KRT85: variants seen among roughly 807,000 people sequenced by gnomAD.
The protein encoded by KRT85 is keratin 85.
KRT85 carries 39 observed loss-of-function variants against 53.7 expected under a neutral mutation model. That is an observed-to-expected ratio of 0.73 (90% CI 0.56 to 0.95). The LOEUF is 0.95. Among genes scored for constraint, KRT85 ranks in the 40% least tolerant of loss-of-function variants. The pLI, the probability that KRT85 is intolerant of heterozygous loss-of-function variation, is 0.00. For synonymous variants in KRT85, 291 were observed against 277.5 expected (o/e 1.05, Z -0.48); for missense variants, 668 against 686.0 (o/e 0.97, Z 0.29).
chr12:52,362,186 G>T (rs927804327), intron 7 of KRT85, 65 bp downstream of exon 7: 5 of 1,611,672 alleles, frequency 3.1e-6, no homozygotes, highest in Non-Finnish European at 4.2e-6. Context: ...TCAGCTCAAG[G>T]AAATTCACTC....
chr12:52,365,708 C>G (rs779378900), intron 1 of KRT85, among the ~76,000 whole-genome samples: 1 of 152,138 alleles, frequency 6.6e-6, no homozygotes, highest in Non-Finnish European at 1.5e-5. Context: ...ACTATGCATT[C>G]CATTCAATTA....
In KRT85 at chr12:52,363,609, A is replaced by G. The variant is rs568065260; in HGVS notation, c.787-199T>C. Among the ~76,000 whole-genome samples, 207 of 152,320 alleles carry G rather than the reference A, an allele frequency of 1.4e-3. 2 individuals carry two copies. The highest frequency in any genetic ancestry group is 4.8e-3 in the African/African-American group (198 of 41,576). ...GGGGCTGTAGAGGCCATCTGGGAAC[A>G]GTGTCTGCCTTAAAAGTGGGAAAAC... On this transcript the variant is annotated intron_variant, in intron 4 of 8. Coordinates refer to ENST00000257901, the MANE Select transcript of KRT85 (RefSeq NM_002283.4).
chr12:52,362,841 C>T lies in KRT85; in HGVS notation c.1077+13G>A. 2 of 1,614,218 alleles carry T rather than the reference C, an allele frequency of 1.2e-6. No homozygotes were observed. Among genetic ancestry groups the T allele is most frequent in the Non-Finnish European group, 1.7e-6 (2 of 1,180,052 alleles). On this transcript the variant is annotated intron_variant, in intron 6 of 8. Coordinates refer to ENST00000257901, the MANE Select transcript of KRT85 (RefSeq NM_002283.4). ...TGCCTGTGCTGCGTATTTGAATCCTCCACAGACCCCACCTGGCACTTGGCA... is the reference window on the plus strand; with the variant it reads ...TGCCTGTGCTGCGTATTTGAATCCTTCACAGACCCCACCTGGCACTTGGCA...
In KRT85 at chr12:52,360,870, ACCGGCTACT is replaced by A; in HGVS notation, c.1498_1506del (p.Ser501_Ser503del). 2 of 1,612,256 alleles carry A rather than the reference ACCGGCTACT, an allele frequency of 1.2e-6. No individual in the cohort carries two copies. On this transcript the variant is annotated inframe_deletion, in exon 9 of 9. Transcript: ENST00000257901. ...TGACTCTACTAGGCAAAGCGGACCGACCGGCTACTCCCGCAGCTGAAGCTGGAGGAACGA... is the reference window on the plus strand; with the variant it reads ...TGACTCTACTAGGCAAAGCGGACCGACCCGCAGCTGAAGCTGGAGGAACGA...
chr12:52,361,860 A>G (rs1939195659), intron 7 of KRT85, among the ~76,000 whole-genome samples: 2 of 152,042 alleles, frequency 1.3e-5, no homozygotes, highest in African/African-American at 4.8e-5. Flanking sequence ...GTGCATCATC[A>G]TCATAACACA....
At position 52,360,887 on chromosome 12, in the gene KRT85, C is replaced by T; in HGVS notation, c.1490G>A (p.Ser497Asn). The change falls in exon 9 of 9, where the codon AGC becomes AAC. Residue 497 changes from serine to asparagine, a missense_variant. Around this residue, in one of 3 missense-constraint regions of KRT85, gnomAD observed 488 missense variants for 498.1 expected, o/e 0.98. Coordinates refer to ENST00000257901, the MANE Select transcript of KRT85 (RefSeq NM_002283.4). ...APCQPRSSSF[S>N]CGSSRSVRFA ...GCGGACCGACCGGCTACTCCCGCAG[C>T]TGAAGCTGGAGGAACGAGGCTGGCA... The T allele has an allele frequency of 1.2e-6, 2 of 1,612,388 alleles. No homozygotes were observed. The highest frequency in any genetic ancestry group is 1.7e-6 in the Non-Finnish European group (2 of 1,180,020).
At chr12:52,365,728 T>C (rs531590464) in intron 1 of KRT85, among the ~76,000 whole-genome samples, 1 of 152,300 alleles carries the variant, frequency 6.6e-6, no homozygotes, top group African/African-American at 2.4e-5. Flanking sequence ...ATCACAGCCC[T>C]GTGGGATGTA....
At chr12:52,361,521 T>C in intron 7 of KRT85, 23 bp from the exon 8 acceptor site, 1 of 1,610,976 alleles carries the variant, frequency 6.2e-7, no homozygotes, top group Non-Finnish European at 8.5e-7. Context: ...AAAACTCTGT[T>C]AGTTCCAGAC....
chr12:52,361,408 A>G, intron 8 of KRT85, 59 bp downstream of exon 8: 2 of 1,507,956 alleles, frequency 1.3e-6, no homozygotes. Flanking sequence ...TAGGCCAATG[A>G]GTTCAGCTTT....
At chr12:52,362,752 C>G in intron 6 of KRT85, 102 bp downstream of exon 6, 1 of 1,562,912 alleles carries the variant, frequency 6.4e-7, no homozygotes, top group Non-Finnish European at 8.8e-7. Flanking sequence ...CCCTCCCTTC[C>G]CTCTGGGTCC....
intron 6 of KRT85, 57 bp from the exon 7 acceptor site, chr12:52,362,528 C>T (rs1939208262): frequency 2.5e-6 from 4 of 1,596,126 alleles, no homozygotes; most frequent in Non-Finnish European, 3.4e-6. Flanking sequence ...GCTTGGCTCA[C>T]CCAAGCTGAT....
At chr12:52,361,117 G>A in intron 8 of KRT85, 71 bp from the exon 9 acceptor site, 1 of 1,352,154 alleles carries the variant, frequency 7.4e-7, no homozygotes, top group South Asian at 1.2e-5. Context: ...CAGGCCCCAG[G>A]GCACTGCAGG....
intron 8 of KRT85, 33 bp downstream of exon 8, chr12:52,361,434 A>AT (rs1415785315): frequency 2.5e-6 from 4 of 1,610,580 alleles, no homozygotes; most frequent in African/African-American, 2.7e-5. Flanking sequence ...CAAAAAAGCC[A>AT]TTTTTCCAGG....
chr12:52,367,188 G>A lies in KRT85; in HGVS notation c.218C>T (p.Ala73Val). ...GPRIAVGGFR[A>V]GSCGRSFGYR... ...GCCGAAGCTGCGTCCGCAGGAGCCG[G>A]CTCGGAAGCCACCTACAGCTATCCG... Residue 73 changes from alanine (A) to valine (V), a missense_variant, in exon 1 of 9, where the codon GCC becomes GTC. Coordinates refer to ENST00000257901, the MANE Select transcript of KRT85 (RefSeq NM_002283.4). 6.2e-7 allele frequency: 1 copy of A among 1,613,798 alleles called. No individual in the cohort carries two copies. The highest frequency in any genetic ancestry group is 8.5e-7 in the Non-Finnish European group (1 of 1,179,980).
chr12:52,367,406 C>G lies in KRT85; in HGVS notation c.-1G>C, dbSNP rs1326444025. The G allele has an allele frequency of 5.6e-6, 9 of 1,613,894 alleles. No individual in the cohort carries two copies. The highest frequency in any genetic ancestry group is 1.3e-5 in the African/African-American group (1 of 74,922). Reference sequence around the variant, plus strand: ...TGATCCTGTAGGAGCGGCACGACATCGTGTGAGGCTGAGCAGAGTCTGAGA... The same window carrying G: ...TGATCCTGTAGGAGCGGCACGACATGGTGTGAGGCTGAGCAGAGTCTGAGA... On this transcript the variant is annotated 5_prime_UTR_variant, in exon 1 of 9. Transcript: ENST00000257901.
Position 52,365,027 on chromosome 12 carries a change from G to A in KRT85, c.564C>T (p.Ala188=), listed in dbSNP as rs145678235. 644 of 1,613,256 alleles carry A rather than the reference G, an allele frequency of 4.0e-4. 2 individuals carry two copies. Among genetic ancestry groups the A allele is most frequent in the Non-Finnish European group, 5.2e-4 (615 of 1,180,024 alleles). Residue 188 remains alanine, a synonymous_variant, in exon 2 of 9, where the codon GCC becomes GCT. Coordinates refer to ENST00000257901, the MANE Select transcript of KRT85 (RefSeq NM_002283.4). The stretch of plus-strand genomic sequence containing the variant: ...GCTCTGAGGCCAGCCTCCCGCTGTC[G>A]GCCTCCACGCACTCGGCCTCCCGCC... ...TLRREAECVE[A]DSGRLASELN... is the part of the protein sequence containing the mutation.
chr12:52,363,205 C>T (rs771918724), intron 5 of KRT85, 41 bp downstream of exon 5: 3 of 1,612,934 alleles, frequency 1.9e-6, no homozygotes, highest in South Asian at 1.1e-5. Context: ...AACTTCCCTC[C>T]CACTGCCATG....
chr12:52,366,408 G>T (rs961807843), intron 1 of KRT85, among the ~76,000 whole-genome samples: 5 of 152,234 alleles, frequency 3.3e-5, no homozygotes, highest in Admixed American at 3.3e-4. Flanking sequence ...CCTGCCTGGG[G>T]TCTCACACTG....
intron 2 of KRT85, 136 bp from the exon 3 acceptor site, chr12:52,364,502 T>C: frequency 6.5e-7 from 1 of 1,539,090 alleles, no homozygotes; most frequent in Non-Finnish European, 8.7e-7. Context: ...CCAGGATCTA[T>C]TTTTTGTATT....
Sources: gnomAD v4.1 joint callset for allele counts (sites outside exome capture counted in the v4.1 genomes callset) on GRCh38, gnomAD v4.1.1 for gene constraint, gnomAD v4.1.1 regional missense constraint, MANE v1.5 for transcripts, NCBI Gene and HGNC (gene_info 2026-07-23, HGNC 2026-07-21) for gene names.